The following NKAIN3 variants were observed in gnomAD, a reference collection of about 807,000 sequenced individuals.
NKAIN3 encodes the protein sodium/potassium transporting ATPase interacting 3.
NKAIN3 carries 25 observed loss-of-function variants against 30.2 expected under a neutral mutation model. The ratio of observed to expected loss-of-function variants is 0.83; its 90% confidence interval spans 0.60 to 1.16. NKAIN3 has a LOEUF of 1.16. Ranked by LOEUF, NKAIN3 falls within the 50% of genes most tolerant of loss-of-function variation. The probability of loss-of-function intolerance (pLI) is 0.00; values close to 1 mark genes in which losing one functional copy is unlikely to be tolerated. For missense variants in NKAIN3, 225 were observed against 254.1 expected, an observed-to-expected ratio of 0.89 and a Z score of 0.78; for synonymous variants, 91 against 89.6, an observed-to-expected ratio of 1.02 and a Z score of -0.09.
chr8:62,630,422 G>T (rs1811921629), intron 3 of NKAIN3, among the ~76,000 whole-genome samples: 1 of 152,102 alleles, frequency 6.6e-6, no homozygotes, highest in African/African-American at 2.4e-5. Flanking sequence ...TAGTATTGGA[G>T]AACTGAGAGT....
At chr8:62,596,289 T>C (rs992732731) in intron 3 of NKAIN3, among the ~76,000 whole-genome samples, 1 of 152,064 alleles carries the variant, frequency 6.6e-6, no homozygotes, top group Non-Finnish European at 1.5e-5. Flanking sequence ...TACTCCATAC[T>C]AGGGGTCCTT....
In NKAIN3 at chr8:62,382,103, A is replaced by T. The variant is rs933738646; in HGVS notation, c.54+132976A>T. On this transcript the variant is annotated intron_variant, in intron 1 of 6. Transcript: ENST00000623646. ...GTTGAAAATCCAAGTATAAATTTTGACTCTTCAAAATCTTAACTACTTATA... is the reference window on the plus strand; with the variant it reads ...GTTGAAAATCCAAGTATAAATTTTGTCTCTTCAAAATCTTAACTACTTATA... Among the ~76,000 whole-genome samples the T allele has an allele frequency of 2.6e-5, 4 of 152,118 alleles. No homozygotes were observed. In the South Asian group the frequency reaches 8.3e-4, roughly 32 times the overall value.
intron 1 of NKAIN3, among the ~76,000 whole-genome samples, chr8:62,385,449 A>G (rs1223432089): frequency 6.6e-6 from 1 of 152,202 alleles, no homozygotes; most frequent in African/African-American, 2.4e-5. Context: ...TAAATAATCC[A>G]GATCATTCCA....
At chr8:62,676,714 C>CTT (rs5891868) in intron 3 of NKAIN3, among the ~76,000 whole-genome samples, 66 of 138,526 alleles carry the variant, frequency 4.8e-4, no homozygotes, top group Middle Eastern at 3.9e-3. Flanking sequence ...TAATAACAGT[C>CTT]TTTTTTTTTT....
chr8:62,642,827 CAATT>C (rs1327339888), intron 3 of NKAIN3, among the ~76,000 whole-genome samples: 1 of 151,670 alleles, frequency 6.6e-6, no homozygotes, highest in East Asian at 1.9e-4. Context: ...CCATTTTTCT[CAATT>C]AGTTTATATG....
At chr8:62,713,078 G>T (rs7008248) in intron 3 of NKAIN3, among the ~76,000 whole-genome samples, 130,406 of 152,110 alleles carry the variant, frequency 0.86, 56,060 homozygotes, top group Admixed American at 0.89. Context: ...AGTATTTGGG[G>T]TGTCTCCTGG....
chr8:62,699,496 A>G (rs1814264180), intron 3 of NKAIN3, among the ~76,000 whole-genome samples: 1 of 152,168 alleles, frequency 6.6e-6, no homozygotes, highest in Non-Finnish European at 1.5e-5. Context: ...TAATTGGACA[A>G]ACTTGCATAT....
intron 1 of NKAIN3, among the ~76,000 whole-genome samples, chr8:62,286,991 C>T (rs559801393): frequency 6.6e-6 from 1 of 151,664 alleles, no homozygotes; most frequent in Non-Finnish European, 1.5e-5. Context: ...AGGGTAGCTT[C>T]AGTGTATTTC....
intron 1 of NKAIN3, among the ~76,000 whole-genome samples, chr8:62,527,882 GGTGTGTGTGTGTGT>G (rs68020312): frequency 1.6e-4 from 23 of 143,688 alleles, no homozygotes; most frequent in South Asian, 4.5e-4. Flanking sequence ...ACTTTTTTTT[GGTGTGTGTGTGTGT>G]GTGTGTGTGT....
At chr8:62,659,416 G>C (rs1356740074) in intron 3 of NKAIN3, among the ~76,000 whole-genome samples, 1 of 152,178 alleles carries the variant, frequency 6.6e-6, no homozygotes, top group Non-Finnish European at 1.5e-5. Context: ...GGATTAAATG[G>C]GATGAGCCAT....
At chr8:62,756,004 T>C (rs936798012) in intron 4 of NKAIN3, among the ~76,000 whole-genome samples, 1 of 152,226 alleles carries the variant, frequency 6.6e-6, no homozygotes, top group Non-Finnish European at 1.5e-5. Context: ...GAGCTGTGAT[T>C]TTAAATCACT....
At chr8:62,451,928 C>G (rs557913106) in intron 1 of NKAIN3, among the ~76,000 whole-genome samples, 2 of 152,252 alleles carry the variant, frequency 1.3e-5, no homozygotes, top group South Asian at 4.1e-4. Flanking sequence ...CAGAACATTA[C>G]CTTTATATGT....
chr8:62,942,514 T>TAA (rs756452243), intron 5 of NKAIN3, among the ~76,000 whole-genome samples: 10 of 112,886 alleles, frequency 8.9e-5, no homozygotes, highest in African/African-American at 1.3e-4. Context: ...TTCACAGAAC[T>TAA]AAAAAAAAAA....
Position 62,881,303 on chromosome 8 carries a change from A to G in NKAIN3, c.472-37150A>G, listed in dbSNP as rs539293283. On this transcript the variant is annotated intron_variant, in intron 4 of 6. Coordinates refer to ENST00000623646, the MANE Select transcript of NKAIN3 (RefSeq NM_001304533.3). ...TCCACCTATTCATCTGTTCCTCCCTATAGTCCCTGACAATCACTGATTCTT... is the reference window on the plus strand; with the variant it reads ...TCCACCTATTCATCTGTTCCTCCCTGTAGTCCCTGACAATCACTGATTCTT... 1.8e-4 allele frequency among the ~76,000 whole-genome samples: 27 copies of G among 152,304 alleles called. No homozygotes were observed. In the South Asian group the frequency reaches 4.4e-3, roughly 25 times the overall value.
intron 1 of NKAIN3, among the ~76,000 whole-genome samples, chr8:62,572,081 G>T (rs567004338): frequency 6.6e-6 from 1 of 151,964 alleles, no homozygotes; most frequent in Non-Finnish European, 1.5e-5. Context: ...CTATTGCCTC[G>T]TCAGGCTGCA....
rs151303283 is a variant in NKAIN3, at chr8:62,307,920, T to C, written c.54+58793T>C. Among the ~76,000 whole-genome samples, 357 of 150,444 alleles carry C rather than the reference T, an allele frequency of 2.4e-3. 6 individuals carry two copies. The highest frequency in any genetic ancestry group is 6.0e-3 in the South Asian group (29 of 4,816). The stretch of plus-strand genomic sequence containing the variant: ...CTAGGCGACTGAAGCCAAAGTAGTC[T>C]TGTGGGGAAGATGGACTCAGGCAAA... On this transcript the variant is annotated intron_variant, in intron 1 of 6. Transcript: ENST00000623646.
chr8:62,284,448 G>A (rs1813303770), intron 1 of NKAIN3, among the ~76,000 whole-genome samples: 1 of 151,976 alleles, frequency 6.6e-6, no homozygotes, highest in African/African-American at 2.4e-5. Flanking sequence ...CTAACATGGA[G>A]AAACCCCATC....
chr8:62,402,831 C>A (rs1306138151), intron 1 of NKAIN3, among the ~76,000 whole-genome samples: 1 of 152,082 alleles, frequency 6.6e-6, no homozygotes, highest in African/African-American at 2.4e-5. Context: ...TAAAGATAAC[C>A]AAAAATGTGG....
At position 62,372,161 on chromosome 8, in the gene NKAIN3, A is replaced by G. The variant is rs150160492; in HGVS notation, c.54+123034A>G. On this transcript the variant is annotated intron_variant, in intron 1 of 6. Coordinates refer to ENST00000623646, the MANE Select transcript of NKAIN3 (RefSeq NM_001304533.3). ...CATCAGATTTTAACAAGGAATTTAT[A>G]AGGACTGAAACATGAATCTTTTGCC... 6.7e-3 allele frequency among the ~76,000 whole-genome samples: 1,012 copies of G among 152,030 alleles called. 28 individuals carry two copies. The highest frequency in any genetic ancestry group is 0.011 in the South Asian group (51 of 4,832).
Sources: gnomAD v4.1 joint callset for allele counts (sites outside exome capture counted in the v4.1 genomes callset) on GRCh38, gnomAD v4.1.1 for gene constraint, MANE v1.5 for transcripts, NCBI Gene and HGNC (gene_info 2026-07-23, HGNC 2026-07-21) for gene names.